Variants in IGF1R observed in about 807,000 individuals in gnomAD.
IGF1R encodes insulin-like growth factor 1 receptor.
IGF1R carries 44 observed loss-of-function variants against 144.6 expected under a neutral mutation model. The ratio of observed to expected loss-of-function variants is 0.30; its 90% CI spans 0.24 to 0.39. IGF1R has a LOEUF of 0.39. Among genes scored for constraint, IGF1R ranks in the 10% least tolerant of loss-of-function variants. IGF1R has a pLI of 1.00. For synonymous variants in IGF1R, 795 were observed against 722.8 expected (o/e 1.10, Z -1.60); for missense variants, 1,355 against 1,833.7 (o/e 0.74, Z 4.77).
chr15:98,708,073 C>T lies in IGF1R; in HGVS notation c.606C>T (p.Asn202=), dbSNP rs187055675. 1.5e-5 allele frequency: 25 copies of T among 1,613,944 alleles called. 1 individual carries two copies. In the African/African-American group the frequency reaches 2.9e-4, roughly 19 times the overall value. Residue 202 remains asparagine, a synonymous_variant, in exon 2 of 21, where the codon AAC becomes AAT. Transcript: ENST00000650285. ...AGACCACCATCAACAATGAGTACAA[C>T]TACCGCTGCTGGACCACAAACCGCT... is the stretch of plus-strand genomic sequence containing the variant. ...CEKTTINNEY[N]YRCWTTNRCQ...
rs2016114318 is a variant in IGF1R at position 98,935,656 on chromosome 15, C to G, written c.3297+230C>G. ...TGTTCCTTGGATCCCCTCTGCTAAG[C>G]CCCTCTGTGCCTTTGTTCCTGCATT... On this transcript the variant is annotated intron_variant, in intron 17 of 20. Coordinates refer to ENST00000650285, the MANE Select transcript of IGF1R (RefSeq NM_000875.5). The surrounding 1 kb of genome is among the most constrained non-coding windows in gnomAD (Gnocchi z 4.2). 6.6e-6 allele frequency among the ~76,000 whole-genome samples: 1 copy of G among 152,152 alleles called. No individual in the cohort carries two copies. Among genetic ancestry groups the G allele is most frequent in the Non-Finnish European group, 1.5e-5 (1 of 68,038 alleles).
rs1272179203 is a variant in IGF1R at position 98,962,614 on chromosome 15, G to C, written c.*5172G>C. On this transcript the variant is annotated 3_prime_UTR_variant, in exon 21 of 21. Transcript: ENST00000650285. The stretch of plus-strand genomic sequence containing the variant: ...TCATTTGGAGAAGTGAGTGCTCCTT[G>C]ATGGTGGAATGACCGGGTGGTGGGT... 1 of 233,880 alleles carries C rather than the reference G, an allele frequency of 4.3e-6. No homozygotes were observed. Among genetic ancestry groups the C allele is most frequent in the Non-Finnish European group, 8.5e-6 (1 of 118,172 alleles). 14.5% of individuals were successfully genotyped at this position (233,880 alleles called of 1,614,324 possible).
At position 98,916,721 on chromosome 15, in the gene IGF1R, G is replaced by A. The variant is rs1404006688; in HGVS notation, c.2046G>A (p.Glu682=). ...CCGACGGCACCATCGACATTGAGGA[G>A]GTCACAGAGAACCCCAAGACTGAGG... ...KYADGTIDIE[E]VTENPKTEVC... The change falls in exon 10 of 21, where the codon GAG becomes GAA. Residue 682 remains glutamate, a synonymous_variant. Coordinates refer to ENST00000650285, the MANE Select transcript of IGF1R (RefSeq NM_000875.5). 2 of 1,614,128 alleles carry A rather than the reference G, an allele frequency of 1.2e-6. No individual in the cohort carries two copies. The highest frequency in any genetic ancestry group is 1.7e-6 in the Non-Finnish European group (2 of 1,180,018).
chr15:98,863,289 C>T (rs2012258503), intron 2 of IGF1R, among the ~76,000 whole-genome samples: 1 of 152,084 alleles, frequency 6.6e-6, no homozygotes, highest in Admixed American at 6.5e-5. Context: ...GTTTCCTTTC[C>T]TGGTGCTGTT....
At position 98,785,023 on chromosome 15, in the gene IGF1R, G is replaced by GTA. The variant is rs765840232; in HGVS notation, c.640+76926_640+76927dup. On this transcript the variant is annotated intron_variant, in intron 2 of 20. Coordinates refer to ENST00000650285, the MANE Select transcript of IGF1R (RefSeq NM_000875.5). ...AATATGAACACACAGAAGTTCATGT[G>GTA]TATATATATATGTGTATGTGTTTAG... Among the ~76,000 whole-genome samples, 35 of 152,146 alleles carry GTA rather than the reference G, an allele frequency of 2.3e-4. 1 individual carries two copies. The highest frequency in any genetic ancestry group is 6.2e-4 in the South Asian group (3 of 4,816).
chr15:98,944,290 A>G (rs2016473048), intron 19 of IGF1R, among the ~76,000 whole-genome samples: 1 of 152,382 alleles, frequency 6.6e-6, no homozygotes, highest in African/African-American at 2.4e-5. Flanking sequence ...TCTGACGAGC[A>G]GTTACTGCAC....
intron 6 of IGF1R, among the ~76,000 whole-genome samples, chr15:98,910,740 C>T (rs1481810617): frequency 2.0e-5 from 3 of 152,192 alleles, no homozygotes; most frequent in Non-Finnish European, 4.4e-5. Context: ...TCCAGCCTCC[C>T]GTTGTTTGTC....
chr15:98,910,895 C>T (rs2014981658), intron 6 of IGF1R, among the ~76,000 whole-genome samples: 1 of 152,258 alleles, frequency 6.6e-6, no homozygotes, highest in Non-Finnish European at 1.5e-5. Context: ...ATATCCACAA[C>T]TGCAGAACAA....
At chr15:98,763,321 T>G (rs891951338) in intron 2 of IGF1R, among the ~76,000 whole-genome samples, 1 of 152,234 alleles carries the variant, frequency 6.6e-6, no homozygotes, top group Non-Finnish European at 1.5e-5. Flanking sequence ...GTCCTTCCAC[T>G]TTCCTTTTGT....
chr15:98,847,897 G>A (rs140259317), intron 2 of IGF1R, among the ~76,000 whole-genome samples: 2 of 152,300 alleles, frequency 1.3e-5, no homozygotes, highest in East Asian at 1.9e-4. Context: ...GTTTGACCAG[G>A]ACTCTGATAG....
intron 2 of IGF1R, chr15:98,890,485 C>T (rs2013852449): frequency 6.6e-6 from 1 of 152,220 alleles, no homozygotes; most frequent in South Asian, 2.1e-4. Context: ...ATAATCCACC[C>T]CTTGTTTAGC....
At chr15:98,933,494 C>T (rs2016022561) in intron 15 of IGF1R, among the ~76,000 whole-genome samples, 1 of 151,956 alleles carries the variant, frequency 6.6e-6, no homozygotes, top group Non-Finnish European at 1.5e-5. Context: ...CAGGTGTGTG[C>T]CATCACACCT....
chr15:98,726,515 C>T (rs1237302838), intron 2 of IGF1R, among the ~76,000 whole-genome samples: 1 of 152,124 alleles, frequency 6.6e-6, no homozygotes, highest in Non-Finnish European at 1.5e-5. Context: ...CGCCCTCCCT[C>T]CCTTCCTACC....
At chr15:98,876,144 A>G (rs966161191) in intron 2 of IGF1R, among the ~76,000 whole-genome samples, 2 of 152,190 alleles carry the variant, frequency 1.3e-5, no homozygotes, top group Non-Finnish European at 2.9e-5. Context: ...TTACTCCCAG[A>G]TGTTTCCTAA....
rs556276795 is a variant in IGF1R at position 98,667,154 on chromosome 15, C to A, written c.94+17479C>A. Among the ~76,000 whole-genome samples, 16 of 106,940 alleles carry A rather than the reference C, an allele frequency of 1.5e-4. 1 individual carries two copies. Among genetic ancestry groups the A allele is most frequent in the African/African-American group, 5.4e-4 (16 of 29,660 alleles). 70.2% of individuals were successfully genotyped at this position (106,940 alleles called of 152,430 possible). The stretch of plus-strand genomic sequence containing the variant: ...AGTATTGCAGATAATTTTTTTCTTT[C>A]AAGGAAAGCAAGTCAGGAGTCAAAC... On this transcript the variant is annotated intron_variant, in intron 1 of 20. Transcript: ENST00000650285.
At chr15:98,924,098 T>C in intron 12 of IGF1R, 86 bp downstream of exon 12, 8 of 1,299,716 alleles carry the variant, frequency 6.2e-6, no homozygotes, top group Non-Finnish European at 8.9e-6. Flanking sequence ...TACCTCCTGG[T>C]TAGCATAGGA....
chr15:98,821,496 A>G (rs1194666000), intron 2 of IGF1R, among the ~76,000 whole-genome samples: 1 of 152,050 alleles, frequency 6.6e-6, no homozygotes, highest in Non-Finnish European at 1.5e-5. Context: ...GTTCGTAAGC[A>G]TTTTTGGAAG....
chr15:98,691,139 C>T (rs1389903642), intron 1 of IGF1R, among the ~76,000 whole-genome samples: 1 of 152,060 alleles, frequency 6.6e-6, no homozygotes, highest in African/African-American at 2.4e-5. Context: ...AAACTCAAGA[C>T]TTTTTTTGGA....
At chr15:98,911,982 C>G (rs1034208632) in intron 7 of IGF1R, among the ~76,000 whole-genome samples, 1 of 152,162 alleles carries the variant, frequency 6.6e-6, no homozygotes, top group Non-Finnish European at 1.5e-5. Flanking sequence ...TGTCTTGAGC[C>G]TTTTGTGACT....
Sources: gnomAD v4.1 joint callset for allele counts (sites outside exome capture counted in the v4.1 genomes callset) on GRCh38, gnomAD v4.1.1 for gene constraint, Gnocchi (gnomAD v3.1) non-coding constraint, MANE v1.5 for transcripts, NCBI Gene and HGNC (gene_info 2026-07-23, HGNC 2026-07-21) for gene names.